Variants in ASTN2 observed in about 807,000 individuals in gnomAD.
ASTN2 encodes the protein astrotactin 2, also known as astrotactin-2.
ASTN2 carries 54 observed loss-of-function variants against 139.8 expected under a neutral mutation model. The observed-to-expected ratio is 0.39, with a 90% CI of 0.31 to 0.48. The LOEUF is 0.48. Among genes scored for constraint, ASTN2 ranks in the 20% least tolerant of loss-of-function variants. The pLI, the probability that ASTN2 is intolerant of heterozygous loss-of-function variation, is 0.95. For synonymous variants in ASTN2, 756 were observed against 719.5 expected, an observed-to-expected ratio of 1.05 and a Z score of -0.81; for missense variants, 1,565 against 1,725.1, an observed-to-expected ratio of 0.91 and a Z score of 1.64.
intron 3 of ASTN2, among the ~76,000 whole-genome samples, chr9:117,206,114 G>A (rs1482723875): frequency 6.6e-6 from 1 of 152,164 alleles, no homozygotes; most frequent in Non-Finnish European, 1.5e-5. Context: ...AAGGACCAAA[G>A]CAATGAATAA....
intron 16 of ASTN2, among the ~76,000 whole-genome samples, chr9:116,672,242 T>C (rs1859241168): frequency 6.6e-6 from 1 of 151,880 alleles, no homozygotes; most frequent in South Asian, 2.1e-4. Flanking sequence ...GGCATGAGCC[T>C]GTAGTCCCAG....
At chr9:116,506,828 C>T (rs1850132444) in intron 19 of ASTN2, among the ~76,000 whole-genome samples, 2 of 152,204 alleles carry the variant, frequency 1.3e-5, no homozygotes, top group African/African-American at 4.8e-5. Flanking sequence ...GACTTACTGA[C>T]TCTTCAGCTC....
chr9:117,248,140 A>G (rs1297049745), intron 2 of ASTN2, among the ~76,000 whole-genome samples: 2 of 152,218 alleles, frequency 1.3e-5, no homozygotes, highest in African/African-American at 2.4e-5. Flanking sequence ...CTCTGATCTC[A>G]AAACATTTCC....
intron 16 of ASTN2, among the ~76,000 whole-genome samples, chr9:116,654,552 G>T (rs1858101787): frequency 6.6e-6 from 1 of 152,098 alleles, no homozygotes; most frequent in Non-Finnish European, 1.5e-5. Context: ...TCATAAAATG[G>T]ATTTCAAAAA....
At chr9:116,884,715 G>GT (rs367713076) in intron 10 of ASTN2, among the ~76,000 whole-genome samples, 146 of 149,988 alleles carry the variant, frequency 9.7e-4, no homozygotes, top group African/African-American at 3.2e-3. Context: ...CATCTTTGGC[G>GT]TTTTTGGCTT....
At position 116,497,785 on chromosome 9, in the gene ASTN2, A is replaced by G. The variant is rs543950408; in HGVS notation, c.3356-10285T>C. Among the ~76,000 whole-genome samples, 5 of 152,278 alleles carry G rather than the reference A, an allele frequency of 3.3e-5. 1 individual carries two copies. In the South Asian group the frequency reaches 1.0e-3, roughly 32 times the overall value. On this transcript the variant is annotated intron_variant, in intron 19 of 22. Coordinates refer to ENST00000313400, the MANE Select transcript of ASTN2 (RefSeq NM_001365068.1). ...CCCCCCCAATCACTCTTTAAGGACC[A>G]CAGTGTGAGTTCACTGCCTTTGAAG...
intron 6 of ASTN2, among the ~76,000 whole-genome samples, chr9:117,013,484 ATATTTT>A (rs1391316224): frequency 2.1e-5 from 2 of 94,018 alleles, no homozygotes; most frequent in Non-Finnish European, 4.1e-5. Context: ...ATATATATAT[ATATTTT>A]TTTTTTTCTC....
At chr9:116,826,305 G>A (rs568716188) in intron 11 of ASTN2, among the ~76,000 whole-genome samples, 1 of 152,286 alleles carries the variant, frequency 6.6e-6, no homozygotes, top group South Asian at 2.1e-4. Context: ...TCTTGCCAAT[G>A]TGGCTCACCT....
intron 19 of ASTN2, among the ~76,000 whole-genome samples, chr9:116,577,078 C>T (rs772049209): frequency 2.5e-4 from 38 of 152,180 alleles, no homozygotes; most frequent in Admixed American, 8.5e-4. Context: ...GTGGTTATTT[C>T]CATTTTACAG....
chr9:117,291,436 G>T lies in ASTN2; in HGVS notation c.520C>A (p.His174Asn). 6.2e-7 allele frequency: 1 copy of T among 1,614,182 alleles called. No individual in the cohort carries two copies. Among genetic ancestry groups the T allele is most frequent in the Non-Finnish European group, 8.5e-7 (1 of 1,180,018 alleles). ...TGCCCGGAGCTGCTCATGGAGACGT[G>T]GAAGTACAAGGTGCCATTCTCCAGC... The part of the protein sequence containing the change: ...QWLENGTLYF[H>N]VSMSSSGQLA... The change falls in exon 2 of 23, where the codon CAC (histidine) becomes AAC (asparagine). Residue 174 changes from histidine to asparagine, a missense_variant. Physicochemically the swap from His to Asn is moderately conservative, Grantham distance 68. Coordinates refer to ENST00000313400, the MANE Select transcript of ASTN2 (RefSeq NM_001365068.1).
At chr9:117,012,548 C>A (rs558810231) in intron 6 of ASTN2, among the ~76,000 whole-genome samples, 2 of 152,242 alleles carry the variant, frequency 1.3e-5, no homozygotes, top group African/African-American at 4.8e-5. Context: ...CAAATATCTG[C>A]CCAGATATCT....
rs144967548 is a variant in ASTN2 at position 116,706,396 on chromosome 9, G to A, written c.2806+19375C>T. Among the ~76,000 whole-genome samples, 282 of 152,092 alleles carry A rather than the reference G, an allele frequency of 1.9e-3. 1 individual carries two copies. The highest frequency in any genetic ancestry group is 6.3e-3 in the African/African-American group (262 of 41,492). ...GACATGCCAGTAAGAAAGCTCAAAT[G>A]CTTCCACCTTTGTGCCTGGTGGAAG... is the stretch of plus-strand genomic sequence containing the variant. On this transcript the variant is annotated intron_variant, in intron 16 of 22. Transcript: ENST00000313400.
In ASTN2 at chr9:117,114,228, T is replaced by C. The variant is rs532836108; in HGVS notation, c.1169-18077A>G. ...CAGATTAAGGCCAGCTTTGTGTCCC[T>C]AGTCAAATGTGTGACTAAGATGTGT... On this transcript the variant is annotated intron_variant, in intron 4 of 22. Coordinates refer to ENST00000313400, the MANE Select transcript of ASTN2 (RefSeq NM_001365068.1). Among the ~76,000 whole-genome samples, 40 of 152,050 alleles carry C rather than the reference T, an allele frequency of 2.6e-4. No homozygotes were observed. The East Asian group carries it at 4.5e-3, about 17-fold the overall frequency.
intron 1 of ASTN2, among the ~76,000 whole-genome samples, chr9:117,322,979 C>T (rs930998606): frequency 7.9e-5 from 12 of 152,052 alleles, no homozygotes; most frequent in African/African-American, 2.7e-4. Context: ...CTTCTACTCT[C>T]CTAGAGTCAA....
intron 10 of ASTN2, among the ~76,000 whole-genome samples, chr9:116,955,359 A>G (rs775611624): frequency 6.6e-6 from 1 of 152,214 alleles, no homozygotes; most frequent in East Asian, 1.9e-4. Flanking sequence ...ATGGACTGGT[A>G]TGAACTGTCA....
intron 1 of ASTN2, among the ~76,000 whole-genome samples, chr9:117,407,787 G>C (rs1250978143): frequency 1.3e-5 from 2 of 152,202 alleles, no homozygotes; most frequent in African/African-American, 4.8e-5. Flanking sequence ...TGGGGGCAGA[G>C]AGGCTGTCTG....
At chr9:116,709,739 TA>T (rs1828094414) in intron 16 of ASTN2, among the ~76,000 whole-genome samples, 1 of 152,198 alleles carries the variant, frequency 6.6e-6, no homozygotes, top group African/African-American at 2.4e-5. Flanking sequence ...ATTAACACTT[TA>T]ACCCCTTCAG....
rs184346656 is a variant in ASTN2, at chr9:116,744,759, A to G, written c.2397-11236T>C. ...AGTACTAATAACCAGAGCCCTCCAC[A>G]CATGCCTGAGTTCATTAACCACAGC... On this transcript the variant is annotated intron_variant, in intron 13 of 22. Transcript: ENST00000313400. Among the ~76,000 whole-genome samples the G allele has an allele frequency of 9.2e-5, 14 of 152,256 alleles. No homozygotes were observed. In the East Asian group the frequency reaches 2.7e-3, roughly 29 times the overall value.
chr9:117,186,207 C>G (rs1831193086), intron 3 of ASTN2, among the ~76,000 whole-genome samples: 1 of 152,176 alleles, frequency 6.6e-6, no homozygotes, highest in African/African-American at 2.4e-5. Flanking sequence ...ACTGGTCACA[C>G]AACTTGGCCC....
Sources: gnomAD v4.1 joint callset for allele counts (sites outside exome capture counted in the v4.1 genomes callset) on GRCh38, gnomAD v4.1.1 for gene constraint, MANE v1.5 for transcripts, NCBI Gene and HGNC (gene_info 2026-07-23, HGNC 2026-07-21) for gene names.